AGAP3: variants seen among roughly 807,000 people sequenced by gnomAD.
AGAP3 encodes the protein ArfGAP with GTPase domain, ankyrin repeat and PH domain 3, also known as arf-GAP with GTPase, ANK repeat and PH domain-containing protein 3.
In AGAP3, 24 loss-of-function variants were observed where a neutral mutation model predicts 96.9. The ratio of observed to expected loss-of-function variants is 0.25; its 90% CI spans 0.18 to 0.35. AGAP3 has a LOEUF of 0.35. Ranked by LOEUF, AGAP3 falls within the 10% of genes least tolerant of loss-of-function variation. AGAP3 has a pLI of 1.00. For missense variants in AGAP3, 876 were observed against 1,254.2 expected, an observed-to-expected ratio of 0.70 and a Z score of 4.55; for synonymous variants, 563 against 536.1, an observed-to-expected ratio of 1.05 and a Z score of -0.69.
intron 9 of AGAP3, among the ~76,000 whole-genome samples, chr7:151,126,862 C>T (rs1343693619): frequency 6.6e-6 from 1 of 152,208 alleles, no homozygotes; most frequent in Non-Finnish European, 1.5e-5. Context: ...ATAGGGTCTC[C>T]CAGGCCAAGG....
At chr7:151,099,976 G>C (rs1258842584) in intron 1 of AGAP3, among the ~76,000 whole-genome samples, 1 of 152,236 alleles carries the variant, frequency 6.6e-6, no homozygotes, top group Non-Finnish European at 1.5e-5. Flanking sequence ...CCCCCACCCT[G>C]GAAATGAGGT....
chr7:151,097,580 GC>G (rs1798659606), intron 1 of AGAP3, among the ~76,000 whole-genome samples: 1 of 151,868 alleles, frequency 6.6e-6, no homozygotes, highest in African/African-American at 2.4e-5. Context: ...AGCAGGTTGT[GC>G]AGGAAGGTGG....
Position 151,133,039 on chromosome 7 carries a change from C to A in AGAP3, c.1327-1361C>A, listed in dbSNP as rs574472657. On this transcript the variant is annotated intron_variant, in intron 10 of 17. Transcript: ENST00000397238. This position sits in a 1 kb window ranked among gnomAD's most constrained non-coding sequence, Gnocchi z 5.4. The stretch of plus-strand genomic sequence containing the variant: ...CGGGCTCCTCAGGGTAGGAGGAGCG[C>A]GTCTGGGAAGGCTCGTCGCACGGCC... Among the ~76,000 whole-genome samples, 1 of 152,234 alleles carries A rather than the reference C, an allele frequency of 6.6e-6. No homozygotes were observed. Among genetic ancestry groups the A allele is most frequent in the Non-Finnish European group, 1.5e-5 (1 of 68,022 alleles).
chr7:151,133,298 C>T lies in AGAP3; in HGVS notation c.1327-1102C>T, dbSNP rs147041985. On this transcript the variant is annotated intron_variant, in intron 10 of 17. Coordinates refer to ENST00000397238, the MANE Select transcript of AGAP3 (RefSeq NM_031946.7). The surrounding 1 kb of genome is among the most constrained non-coding windows in gnomAD (Gnocchi z 5.4). ...ACAGGGACAGGGAAGCAGGAGGCAA[C>T]AGGCTGGGACAGCCCTTAGGGCAGT... Among the ~76,000 whole-genome samples the T allele has an allele frequency of 2.9e-3, 437 of 152,292 alleles. No individual in the cohort carries two copies. Among genetic ancestry groups the T allele is most frequent in the African/African-American group, 1.0e-2 (414 of 41,540 alleles).
At chr7:151,112,550 C>T (rs1799341433) in intron 1 of AGAP3, among the ~76,000 whole-genome samples, 1 of 152,014 alleles carries the variant, frequency 6.6e-6, no homozygotes, top group Non-Finnish European at 1.5e-5. Flanking sequence ...TACCGTGTCC[C>T]CATCCCCTCT....
At chr7:151,137,538 G>A (rs1004423174) in intron 11 of AGAP3, among the ~76,000 whole-genome samples, 5 of 152,142 alleles carry the variant, frequency 3.3e-5, no homozygotes, top group South Asian at 2.1e-4. Context: ...ATTGTGCGGC[G>A]CTCTGTCCTC....
chr7:151,094,076 G>A (rs1023175988), intron 1 of AGAP3, among the ~76,000 whole-genome samples: 12 of 152,154 alleles, frequency 7.9e-5, no homozygotes, highest in South Asian at 2.1e-4. Context: ...GTGGGGAGAG[G>A]TGAGATTTTC....
rs1800873754 is a variant in AGAP3, at chr7:151,142,856, G to A, written c.2273+222G>A. Among the ~76,000 whole-genome samples the A allele has an allele frequency of 6.6e-6, 1 of 152,352 alleles. No individual in the cohort carries two copies. The highest frequency in any genetic ancestry group is 2.1e-4 in the South Asian group (1 of 4,828). On this transcript the variant is annotated intron_variant, in intron 16 of 17. Transcript: ENST00000397238. The surrounding 1 kb of genome is among the most constrained non-coding windows in gnomAD (Gnocchi z 7.5). ...TCTGAGCGTTATCAGCAGGTCAGGG[G>A]CCAGCAGGAGGCGCATGCGCAGGGC...
At position 151,143,799 on chromosome 7, in the gene AGAP3, G is replaced by A. The variant is rs753029576; in HGVS notation, c.2592G>A (p.Arg864=). 22 of 1,614,122 alleles carry A rather than the reference G, an allele frequency of 1.4e-5. No homozygotes were observed. In the South Asian group the frequency reaches 1.9e-4, roughly 14 times the overall value. ...TGACTCCACTGGCATATGCTCGCCGGGCCGGCAGCCAGGAGTGTGCAGACA... is the reference window on the plus strand; with the variant it reads ...TGACTCCACTGGCATATGCTCGCCGAGCCGGCAGCCAGGAGTGTGCAGACA... ...RGLTPLAYAR[R]AGSQECADIL... is the part of the protein sequence containing the mutation. Residue 864 remains arginine (R), a synonymous_variant, in exon 18 of 18, where the codon CGG becomes CGA. Coordinates refer to ENST00000397238, the MANE Select transcript of AGAP3 (RefSeq NM_031946.7). This position sits in a 1 kb window ranked among gnomAD's most constrained non-coding sequence, Gnocchi z 5.9.
chr7:151,115,297 C>T (rs966840983), intron 1 of AGAP3: 2 of 1,004,214 alleles, frequency 2.0e-6, no homozygotes, highest in Non-Finnish European at 1.2e-6. Flanking sequence ...GGGCGCGGGC[C>T]GGAGGGGCCC....
rs535172810 is a variant in AGAP3, at chr7:151,099,119, G to A, written c.331+12047G>A. On this transcript the variant is annotated intron_variant, in intron 1 of 17. Coordinates refer to ENST00000397238, the MANE Select transcript of AGAP3 (RefSeq NM_031946.7). Reference sequence around the variant, plus strand: ...AGCACTTTGGGAGGCCGAGGCAGGCGGATCACGAGGTCAGGAGATCGAGAC... The same window carrying A: ...AGCACTTTGGGAGGCCGAGGCAGGCAGATCACGAGGTCAGGAGATCGAGAC... Among the ~76,000 whole-genome samples, 534 of 151,960 alleles carry A rather than the reference G, an allele frequency of 3.5e-3. 4 individuals are homozygous for A. Among genetic ancestry groups the A allele is most frequent in the African/African-American group, 9.6e-3 (400 of 41,478 alleles).
At chr7:151,105,792 CCACACACACACACACA>C (rs60071807) in intron 1 of AGAP3, among the ~76,000 whole-genome samples, 7 of 26,930 alleles carry the variant, frequency 2.6e-4, no homozygotes, top group East Asian at 1.7e-3. Context: ...CCCCCCGACA[CCACACACACACACACA>C]CACACACACA....
chr7:151,119,743 C>G (rs574000975), intron 7 of AGAP3, among the ~76,000 whole-genome samples: 34 of 152,320 alleles, frequency 2.2e-4, no homozygotes, highest in African/African-American at 7.7e-4. Context: ...AGAAGCACTC[C>G]TGCCGGGGCC....
intron 10 of AGAP3, among the ~76,000 whole-genome samples, chr7:151,129,656 A>G (rs1250150346): frequency 6.6e-6 from 1 of 151,958 alleles, no homozygotes. Flanking sequence ...GGGAGCACCC[A>G]CATTCAGTGC....
chr7:151,086,914 C>T lies in AGAP3; in HGVS notation c.173C>T (p.Pro58Leu), dbSNP rs200151243. 8.9e-5 allele frequency: 141 copies of T among 1,581,664 alleles called. No individual in the cohort carries two copies. Among genetic ancestry groups the T allele is most frequent in the Admixed American group, 6.5e-4 (37 of 56,504 alleles). ...GPSQQLAGGP[P>L]QQFALSNSAA... ...TCGCAGCAGCTGGCCGGCGGGCCCCCCCAGCAGTTCGCGCTCTCCAACTCC... is the reference window on the plus strand; with the variant it reads ...TCGCAGCAGCTGGCCGGCGGGCCCCTCCAGCAGTTCGCGCTCTCCAACTCC... The change falls in exon 1 of 18, where the codon CCC becomes CTC. Residue 58 changes from proline (P) to leucine (L), a missense_variant. Transcript: ENST00000397238.
chr7:151,103,579 TGACACA>T (rs1798918190), intron 1 of AGAP3, among the ~76,000 whole-genome samples: 1 of 152,212 alleles, frequency 6.6e-6, no homozygotes, highest in African/African-American at 2.4e-5. Flanking sequence ...GTAGACACAC[TGACACA>T]TCTTCCCAAG....
At chr7:151,129,352 G>C (rs1015344187) in intron 10 of AGAP3, among the ~76,000 whole-genome samples, 4 of 152,030 alleles carry the variant, frequency 2.6e-5, no homozygotes, top group African/African-American at 7.2e-5. Flanking sequence ...GCCCCGCCCC[G>C]GCCCAGAAGC....
At chr7:151,087,937 A>G (rs1405699686) in intron 1 of AGAP3, among the ~76,000 whole-genome samples, 1 of 152,192 alleles carries the variant, frequency 6.6e-6, no homozygotes, top group Non-Finnish European at 1.5e-5. Context: ...TGGCATGGTG[A>G]CCTTCGAGCG....
chr7:151,117,582 A>T, intron 4 of AGAP3, 54 bp from the exon 5 acceptor site: 2 of 1,612,282 alleles, frequency 1.2e-6, no homozygotes. Context: ...CCTGCCCTGC[A>T]TGGGAGTTTG....
Sources: gnomAD v4.1 joint callset for allele counts (sites outside exome capture counted in the v4.1 genomes callset) on GRCh38, gnomAD v4.1.1 for gene constraint, Gnocchi (gnomAD v3.1) non-coding constraint, MANE v1.5 for transcripts, NCBI Gene and HGNC (gene_info 2026-07-23, HGNC 2026-07-21) for gene names.